RANBP2: variants seen among roughly 807,000 people sequenced by gnomAD.
RANBP2 encodes RAN binding protein 2.
Under a neutral mutation model 303.6 loss-of-function variants are expected in RANBP2, and 57 were observed. The ratio of observed to expected loss-of-function variants is 0.19; its 90% CI spans 0.15 to 0.23. RANBP2 has a LOEUF of 0.23. Among genes scored for constraint, RANBP2 ranks in the 10% least tolerant of loss-of-function variants. The pLI is 1.00. For missense variants in RANBP2, 3,138 were observed against 3,780.8 expected, an observed-to-expected ratio of 0.83 and a Z score of 4.46; for synonymous variants, 1,167 against 1,301.5, an observed-to-expected ratio of 0.90 and a Z score of 2.23.
chr2:109,117,959 C>A, the RANBP2 span, among the ~76,000 whole-genome samples: 1 of 152,180 alleles, frequency 6.6e-6, no homozygotes, highest in African/African-American at 2.4e-5. Flanking sequence ...ACTGCCTGCC[C>A]TCTGAGGCAA....
the RANBP2 span, among the ~76,000 whole-genome samples, chr2:109,497,608 G>A: frequency 2.6e-5 from 4 of 152,244 alleles, no homozygotes; most frequent in East Asian, 1.9e-4. Flanking sequence ...CTGCTGACAC[G>A]GACACGACAA....
At chr2:108,919,886 G>A in the RANBP2 span, among the ~76,000 whole-genome samples, 13 of 152,202 alleles carry the variant, frequency 8.5e-5, no homozygotes, top group South Asian at 8.3e-4. Context: ...GGATCTCTCC[G>A]CCTGGAGCTT....
At position 108,768,165 on chromosome 2, in the gene RANBP2, G is replaced by C. The variant is rs1157381648; in HGVS notation, c.7626G>C (p.Gly2542=). The change falls in exon 20 of 29, where the codon GGG becomes GGC. Residue 2542 remains glycine, a synonymous_variant. Transcript: ENST00000283195. The part of the protein sequence containing the change: ...PFAFGNSSAT[G]SLFGFSFNAP... ...CATTCGGCAACAGTTCAGCCACTGG[G>C]TCTTTGTTTGGATTTAGTTTTAATG... is the stretch of plus-strand genomic sequence containing the variant. 6.8e-6 allele frequency: 11 copies of C among 1,611,888 alleles called. No homozygotes were observed. The highest frequency in any genetic ancestry group is 9.3e-6 in the Non-Finnish European group (11 of 1,179,866).
At chr2:109,460,450 G>A in the RANBP2 span, among the ~76,000 whole-genome samples, 1 of 152,162 alleles carries the variant, frequency 6.6e-6, no homozygotes, top group Non-Finnish European at 1.5e-5. Context: ...GTTGGCCATG[G>A]TGAGTGGAAA....
chr2:109,011,250 A>C, the RANBP2 span, among the ~76,000 whole-genome samples: 2 of 152,160 alleles, frequency 1.3e-5, no homozygotes, highest in African/African-American at 4.8e-5. Flanking sequence ...TTACAGAACA[A>C]CTGGAATTCA....
the RANBP2 span, among the ~76,000 whole-genome samples, chr2:109,325,678 T>C: frequency 6.6e-6 from 1 of 152,204 alleles, no homozygotes; most frequent in Non-Finnish European, 1.5e-5. Context: ...GGTTCTTTTC[T>C]ATATGCCCAC....
At chr2:109,321,773 C>G in the RANBP2 span, among the ~76,000 whole-genome samples, 1 of 152,198 alleles carries the variant, frequency 6.6e-6, no homozygotes, top group South Asian at 2.1e-4. Context: ...TACTGTTATT[C>G]TGCTAGAGAG....
the RANBP2 span, among the ~76,000 whole-genome samples, chr2:109,201,305 C>T: frequency 1.3e-5 from 2 of 152,248 alleles, no homozygotes; most frequent in Non-Finnish European, 2.9e-5. Flanking sequence ...CCCAGCCCCA[C>T]TCTCCCACAG....
chr2:109,482,806 C>A, the RANBP2 span, among the ~76,000 whole-genome samples: 3 of 152,192 alleles, frequency 2.0e-5, no homozygotes, highest in Admixed American at 6.5e-5. Context: ...CACGATGCGG[C>A]GGTCACGTCT....
the RANBP2 span, among the ~76,000 whole-genome samples, chr2:108,957,511 A>G: frequency 6.6e-6 from 1 of 152,212 alleles, no homozygotes; most frequent in Admixed American, 6.5e-5. Context: ...GGATGGTTCT[A>G]TCAGGTTCTG....
the RANBP2 span, among the ~76,000 whole-genome samples, chr2:108,828,520 A>G: frequency 6.6e-6 from 1 of 152,240 alleles, no homozygotes; most frequent in Admixed American, 6.5e-5. Context: ...CCAATGGGAT[A>G]GAATGGAGAG....
chr2:108,728,534 T>G (rs1237139770), intron 1 of RANBP2, among the ~76,000 whole-genome samples: 1 of 151,914 alleles, frequency 6.6e-6, no homozygotes. Context: ...AAAGCTAGCC[T>G]CCCACCTTGG....
chr2:109,490,401 G>T, the RANBP2 span, among the ~76,000 whole-genome samples: 1 of 152,278 alleles, frequency 6.6e-6, no homozygotes, highest in East Asian at 1.9e-4. Context: ...GTTCACCCGT[G>T]GGAACTGGGG....
At chr2:109,339,168 C>T in the RANBP2 span, among the ~76,000 whole-genome samples, 35 of 146,474 alleles carry the variant, frequency 2.4e-4, no homozygotes, top group Non-Finnish European at 4.0e-4. Context: ...AGGAGGTGGA[C>T]GGGTAGGCAG....
the RANBP2 span, among the ~76,000 whole-genome samples, chr2:109,289,482 T>C: frequency 2.3e-3 from 357 of 152,340 alleles, 1 homozygote; most frequent in African/African-American, 8.2e-3. Context: ...TGGGTGGTGC[T>C]GCTCTTATAC....
At chr2:109,545,447 T>C in the RANBP2 span, 13 of 1,536,048 alleles carry the variant, frequency 8.5e-6, no homozygotes, top group Non-Finnish European at 1.1e-5. Context: ...CCTTGCACTG[T>C]GGCCCTCTCT....
chr2:109,616,262 CTT>C, the RANBP2 span: 1 of 827,984 alleles, frequency 1.2e-6, no homozygotes. Flanking sequence ...TTCATCATAC[CTT>C]GACCTGTACC....
At chr2:109,010,285 G>T in the RANBP2 span, among the ~76,000 whole-genome samples, 32 of 152,074 alleles carry the variant, frequency 2.1e-4, no homozygotes, top group South Asian at 6.5e-3. Flanking sequence ...CATCCTCTAC[G>T]GAAGGTAAGC....
chr2:108,888,997 TTTC>T, the RANBP2 span, among the ~76,000 whole-genome samples: 2 of 152,090 alleles, frequency 1.3e-5, no homozygotes, highest in African/African-American at 4.8e-5. Context: ...TGCTTTATTG[TTTC>T]TTCATTTTTA....
Sources: allele counts gnomAD v4.1 joint callset (sites outside exome capture counted in the v4.1 genomes callset), GRCh38; gene constraint gnomAD v4.1.1; transcripts MANE v1.5; gene names NCBI Gene and HGNC (gene_info 2026-07-23, HGNC 2026-07-21).